The following JMJD1C variants were observed in gnomAD, a reference collection of about 807,000 sequenced individuals.
JMJD1C encodes the protein jumonji domain containing 1C.
A neutral mutation model predicts 245.3 loss-of-function variants in JMJD1C; 31 were observed. The observed-to-expected ratio is 0.13, with a 90% CI of 0.09 to 0.17. The LOEUF (loss-of-function observed/expected upper bound fraction) is 0.17. Among genes scored for constraint, JMJD1C ranks in the 10% least tolerant of loss-of-function variants. The probability of loss-of-function intolerance (pLI) is 1.00; values close to 1 mark genes in which losing one functional copy is unlikely to be tolerated. For synonymous variants in JMJD1C, 1,057 were observed against 1,017.4 expected (o/e 1.04, Z -0.74); for missense variants, 2,691 against 3,000.2 (o/e 0.90, Z 2.41).
At chr10:63,225,051 ACT>A (rs747634062) in intron 3 of JMJD1C, among the ~76,000 whole-genome samples, 64 of 151,268 alleles carry the variant, frequency 4.2e-4, no homozygotes, top group Non-Finnish European at 7.7e-4. Context: ...ACAGAGCGAG[ACT>A]CTGTCTCGAA....
At chr10:63,251,736 G>A (rs1054569556) in intron 3 of JMJD1C, among the ~76,000 whole-genome samples, 4 of 152,110 alleles carry the variant, frequency 2.6e-5, no homozygotes, top group Admixed American at 6.6e-5. Context: ...CCACTTCTTC[G>A]TCAACTTGGC....
intron 1 of JMJD1C, among the ~76,000 whole-genome samples, chr10:63,482,423 G>C (rs192466020): frequency 6.0e-4 from 92 of 152,268 alleles, no homozygotes; most frequent in African/African-American, 2.2e-3. Flanking sequence ...ATCACCTGAA[G>C]TCAGGAGTTC....
intron 1 of JMJD1C, among the ~76,000 whole-genome samples, chr10:63,431,250 G>A (rs978994298): frequency 3.3e-5 from 5 of 151,944 alleles, no homozygotes; most frequent in Non-Finnish European, 7.4e-5. Context: ...ACATTTGGAG[G>A]GCAACCATCT....
chr10:63,516,803 G>A (rs984558147), intron 1 of JMJD1C, among the ~76,000 whole-genome samples: 1 of 152,150 alleles, frequency 6.6e-6, no homozygotes, highest in African/African-American at 2.4e-5. Context: ...AATACCTATA[G>A]TGAATACTTA....
intron 1 of JMJD1C, among the ~76,000 whole-genome samples, chr10:63,422,627 A>G (rs1282431539): frequency 2.0e-5 from 3 of 152,206 alleles, no homozygotes; most frequent in Non-Finnish European, 4.4e-5. Context: ...TGAACATTAA[A>G]CGTACTGGAC....
Position 63,189,302 on chromosome 10 carries a change from C to T in JMJD1C, c.6436G>A (p.Ala2146Thr), listed in dbSNP as rs528351194. 1 of 1,613,750 alleles carries T rather than the reference C, an allele frequency of 6.2e-7. No homozygotes were observed. Among genetic ancestry groups the T allele is most frequent in the Non-Finnish European group, 8.5e-7 (1 of 1,179,808 alleles). The change falls in exon 18 of 26, where the codon GCA becomes ACA. Residue 2146 changes from alanine (A) to threonine (T), a missense_variant. Around this residue, in one of 9 missense-constraint regions of JMJD1C, gnomAD observed 275 missense variants for 285.5 expected, o/e 0.96. Coordinates refer to ENST00000399262, the MANE Select transcript of JMJD1C (RefSeq NM_032776.3). ...TATAATTTATTATTTTCATCCACTG[C>T]AGATATTATGCTTTCTTCAGGCTCT... is the stretch of plus-strand genomic sequence containing the variant. Reference protein sequence around the residue: ...KEEPEESIISAVDENNKLYSD... With the variant: ...KEEPEESIISTVDENNKLYSD...
At chr10:63,339,110 A>G (rs1276631606) in intron 2 of JMJD1C, among the ~76,000 whole-genome samples, 1 of 152,216 alleles carries the variant, frequency 6.6e-6, no homozygotes, top group Non-Finnish European at 1.5e-5. Flanking sequence ...AAGCTGGTAG[A>G]TACCACTTTA....
chr10:63,190,789 C>A, intron 17 of JMJD1C, 105 bp downstream of exon 17: 1 of 788,700 alleles, frequency 1.3e-6, no homozygotes, highest in Non-Finnish European at 2.2e-6. Context: ...CAATTTGGTA[C>A]ACTTGATTTC....
chr10:63,433,258 G>T (rs111346856), intron 1 of JMJD1C, among the ~76,000 whole-genome samples: 1 of 151,676 alleles, frequency 6.6e-6, no homozygotes, highest in Non-Finnish European at 1.5e-5. Context: ...TACCATGCCC[G>T]GCTAATTCTG....
rs1486473491 is a variant in JMJD1C, at chr10:63,210,120, A to C, written c.2695-885T>G. On this transcript the variant is annotated intron_variant, in intron 8 of 25. Coordinates refer to ENST00000399262, the MANE Select transcript of JMJD1C (RefSeq NM_032776.3). Reference sequence around the variant, plus strand: ...ATTAAAAACATACACTATAGCCATAAACCCCACATAAGAGAAAAATACATA... The same window carrying C: ...ATTAAAAACATACACTATAGCCATACACCCCACATAAGAGAAAAATACATA... Among the ~76,000 whole-genome samples, 5 of 151,826 alleles carry C rather than the reference A, an allele frequency of 3.3e-5. 1 individual carries two copies. The highest frequency in any genetic ancestry group is 1.2e-4 in the African/African-American group (5 of 41,088).
At position 63,272,256 on chromosome 10, in the gene JMJD1C, CTT is replaced by C. The variant is rs933205194; in HGVS notation, c.334-7494_334-7493del. On this transcript the variant is annotated intron_variant, in intron 2 of 25. Coordinates refer to ENST00000399262, the MANE Select transcript of JMJD1C (RefSeq NM_032776.3). The stretch of plus-strand genomic sequence containing the variant: ...AGAACATGCATGATCCAGAAGGTAA[CTT>C]TATTTTTTTGAGATGGAGTTTTGCT... Among the ~76,000 whole-genome samples the C allele has an allele frequency of 6.6e-5, 10 of 151,952 alleles. No individual in the cohort carries two copies. In the East Asian group the frequency reaches 1.9e-3, roughly 29 times the overall value.
intron 1 of JMJD1C, among the ~76,000 whole-genome samples, chr10:63,459,640 G>GTT (rs1952648005): frequency 6.6e-6 from 1 of 152,082 alleles, no homozygotes; most frequent in Non-Finnish European, 1.5e-5. Context: ...AATCATCAGA[G>GTT]TTATACAAAA....
chr10:63,294,395 C>T (rs1429328245), intron 2 of JMJD1C, among the ~76,000 whole-genome samples: 2 of 151,890 alleles, frequency 1.3e-5, no homozygotes, highest in South Asian at 2.1e-4. Context: ...AGCAAATTCT[C>T]CTGCCTCGGC....
intron 2 of JMJD1C, among the ~76,000 whole-genome samples, chr10:63,331,412 CAAT>C (rs1379628860): frequency 6.6e-6 from 1 of 152,122 alleles, no homozygotes; most frequent in East Asian, 1.9e-4. Context: ...ATTACATTTC[CAAT>C]ACATTCGCTT....
intron 1 of JMJD1C, among the ~76,000 whole-genome samples, chr10:63,458,670 T>C (rs539609158): frequency 3.5e-4 from 54 of 152,154 alleles, no homozygotes; most frequent in African/African-American, 1.2e-3. Flanking sequence ...TCAACATATT[T>C]TGGTATTAAA....
chr10:63,246,204 C>T (rs562505420), intron 3 of JMJD1C, among the ~76,000 whole-genome samples: 82 of 152,042 alleles, frequency 5.4e-4, no homozygotes, highest in African/African-American at 1.1e-3. Flanking sequence ...GAGATAAAAT[C>T]CAGGTAAAGG....
chr10:63,518,951 C>A (rs1357055574), intron 1 of JMJD1C, among the ~76,000 whole-genome samples: 1 of 152,210 alleles, frequency 6.6e-6, no homozygotes, highest in Non-Finnish European at 1.5e-5. Context: ...TTACCAATGA[C>A]CTATGTGATC....
intron 12 of JMJD1C, 28 bp downstream of exon 12, chr10:63,198,485 C>A: frequency 7.7e-7 from 1 of 1,294,274 alleles, no homozygotes; most frequent in East Asian, 2.4e-5. Context: ...GAAATTTGTG[C>A]AGTTCATGTT....
At chr10:63,337,563 G>GAA (rs1942896041) in intron 2 of JMJD1C, among the ~76,000 whole-genome samples, 1 of 31,348 alleles carries the variant, frequency 3.2e-5, no homozygotes, top group African/African-American at 2.1e-4. Flanking sequence ...GAAAAGAAAA[G>GAA]AAAAGAAAAG....
Sources: gnomAD v4.1 joint callset for allele counts (sites outside exome capture counted in the v4.1 genomes callset) on GRCh38, gnomAD v4.1.1 for gene constraint, gnomAD v4.1.1 regional missense constraint, MANE v1.5 for transcripts, NCBI Gene and HGNC (gene_info 2026-07-23, HGNC 2026-07-21) for gene names.